SLC24A3: variants seen among roughly 807,000 people sequenced by gnomAD.
SLC24A3 encodes the protein sodium/potassium/calcium exchanger 3.
In SLC24A3, 28 loss-of-function variants were observed where a neutral mutation model predicts 75.8. The ratio of observed to expected loss-of-function variants is 0.37; its 90% confidence interval spans 0.27 to 0.51. The LOEUF is 0.51. SLC24A3 is among the 20% of genes least tolerant of loss of function. The pLI, the probability that SLC24A3 is intolerant of heterozygous loss-of-function variation, is 0.94. For synonymous variants in SLC24A3, 372 were observed against 334.1 expected (o/e 1.11, Z -1.24); for missense variants, 663 against 847.8 (o/e 0.78, Z 2.71).
intron 6 of SLC24A3, among the ~76,000 whole-genome samples, chr20:19,626,204 C>T (rs1218776600): frequency 6.6e-6 from 1 of 152,164 alleles, no homozygotes; most frequent in Non-Finnish European, 1.5e-5. Flanking sequence ...TATAGTAAGA[C>T]TTGACATGAT....
chr20:19,601,726 A>C (rs1441992224), intron 6 of SLC24A3, among the ~76,000 whole-genome samples: 1 of 152,202 alleles, frequency 6.6e-6, no homozygotes, highest in East Asian at 1.9e-4. Flanking sequence ...TACAAGTCTC[A>C]TCTCTCCAGT....
Position 19,278,040 on chromosome 20 carries a change from G to T in SLC24A3, c.143-2919G>T, listed in dbSNP as rs189827334. 1.3e-3 allele frequency among the ~76,000 whole-genome samples: 195 copies of T among 152,282 alleles called. 1 individual carries two copies. Among genetic ancestry groups the T allele is most frequent in the African/African-American group, 4.5e-3 (189 of 41,554 alleles). On this transcript the variant is annotated intron_variant, in intron 1 of 16. Transcript: ENST00000328041. ...CCGTGGTGCTCGACCGATATTACTT[G>T]GTTCTGACCTCTTCAATGCCAGCTG...
intron 2 of SLC24A3, among the ~76,000 whole-genome samples, chr20:19,320,526 G>A (rs536458695): frequency 4.3e-4 from 66 of 152,020 alleles, no homozygotes; most frequent in Non-Finnish European, 8.1e-4. Flanking sequence ...TCCTATGCAG[G>A]GGCTTTATCA....
chr20:19,685,253 G>C lies in SLC24A3; in HGVS notation c.1216G>C (p.Glu406Gln), dbSNP rs770306953. The C allele has an allele frequency of 1.9e-6, 3 of 1,614,160 alleles. No individual in the cohort carries two copies. Among genetic ancestry groups the C allele is most frequent in the Non-Finnish European group, 2.5e-6 (3 of 1,180,036 alleles). ...NGTRRDDVVA[E>Q]AGNETENENE... ...GACACGGAGGGACGATGTTGTGGCTGAGGCTGGCAACGAAACAGAGAATGA... is the reference window on the plus strand; with the variant it reads ...GACACGGAGGGACGATGTTGTGGCTCAGGCTGGCAACGAAACAGAGAATGA... Residue 406 changes from glutamate to glutamine, a missense_variant, in exon 12 of 17, where the codon GAG becomes CAG. Transcript: ENST00000328041.
At chr20:19,557,584 TG>T (rs2030809185) in intron 3 of SLC24A3, among the ~76,000 whole-genome samples, 1 of 152,234 alleles carries the variant, frequency 6.6e-6, no homozygotes, top group African/African-American at 2.4e-5. Context: ...CATGATTGCC[TG>T]GTGTTGTTTT....
chr20:19,674,927 C>T (rs928018061), intron 9 of SLC24A3, among the ~76,000 whole-genome samples: 1 of 152,152 alleles, frequency 6.6e-6, no homozygotes, highest in Non-Finnish European at 1.5e-5. Flanking sequence ...GTGGCGTGCG[C>T]CTGTAATCCC....
At chr20:19,288,818 G>C (rs1008825811) in intron 2 of SLC24A3, among the ~76,000 whole-genome samples, 4 of 152,208 alleles carry the variant, frequency 2.6e-5, no homozygotes, top group Admixed American at 2.6e-4. Flanking sequence ...GCCACAGGGG[G>C]CCTGTCGACT....
chr20:19,404,027 G>A lies in SLC24A3; in HGVS notation c.272-111461G>A, dbSNP rs200500894. On this transcript the variant is annotated intron_variant, in intron 2 of 16. Transcript: ENST00000328041. Reference sequence around the variant, plus strand: ...AGCTTTGGGACTTGATGAAGGTCACGTATCTTGATAAGAGCAAGGGGAAAT... The same window carrying A: ...AGCTTTGGGACTTGATGAAGGTCACATATCTTGATAAGAGCAAGGGGAAAT... Among the ~76,000 whole-genome samples the A allele has an allele frequency of 3.3e-5, 5 of 152,310 alleles. No homozygotes were observed. In the East Asian group the frequency reaches 7.7e-4, roughly 23 times the overall value.
intron 6 of SLC24A3, among the ~76,000 whole-genome samples, chr20:19,612,804 C>T (rs1421198578): frequency 2.0e-5 from 3 of 152,124 alleles, no homozygotes; most frequent in African/African-American, 7.2e-5. Context: ...GTGCTCTGTG[C>T]CCCACCAAGC....
chr20:19,592,256 G>C (rs1026071319), intron 6 of SLC24A3, among the ~76,000 whole-genome samples: 2 of 152,126 alleles, frequency 1.3e-5, no homozygotes, highest in Non-Finnish European at 2.9e-5. Flanking sequence ...CATCTTCTTT[G>C]GTGAAAAATC....
intron 2 of SLC24A3, among the ~76,000 whole-genome samples, chr20:19,398,105 A>G (rs1029987983): frequency 9.2e-5 from 14 of 152,050 alleles, no homozygotes; most frequent in Non-Finnish European, 1.5e-5. Flanking sequence ...TCTCTCTTCT[A>G]TTGGTAATCA....
chr20:19,434,237 C>T (rs117356283), intron 2 of SLC24A3, among the ~76,000 whole-genome samples: 3,473 of 152,314 alleles, frequency 0.023, 54 homozygotes, highest in Admixed American at 0.035. Context: ...ACCAAGGAAC[C>T]GCTGAACTGT....
At chr20:19,314,695 G>A (rs1428309655) in intron 2 of SLC24A3, among the ~76,000 whole-genome samples, 1 of 152,232 alleles carries the variant, frequency 6.6e-6, no homozygotes, top group East Asian at 1.9e-4. Flanking sequence ...TGCTGCGGAA[G>A]CTTCTCTGCC....
chr20:19,531,904 T>G (rs764876274), intron 3 of SLC24A3, among the ~76,000 whole-genome samples: 13 of 152,170 alleles, frequency 8.5e-5, no homozygotes, highest in African/African-American at 3.1e-4. Context: ...AGAGGTTAAA[T>G]GAGTTGCCCC....
At position 19,558,851 on chromosome 20, in the gene SLC24A3, A is replaced by G. The variant is rs6132213; in HGVS notation, c.349-21149A>G. On this transcript the variant is annotated intron_variant, in intron 3 of 16. Coordinates refer to ENST00000328041, the MANE Select transcript of SLC24A3 (RefSeq NM_020689.4). The stretch of plus-strand genomic sequence containing the variant: ...TTATTAACAAGAAGAACTCCATTGT[A>G]TGGAAGTACTAAAGTTCGTTCATCC... Among the ~76,000 whole-genome samples the G allele has an allele frequency of 4.0e-4, 61 of 152,328 alleles. 2 individuals are homozygous for G. The East Asian group carries it at 8.3e-3, about 21-fold the overall frequency.
At chr20:19,367,814 T>C (rs1985921400) in intron 2 of SLC24A3, among the ~76,000 whole-genome samples, 3 of 152,194 alleles carry the variant, frequency 2.0e-5, no homozygotes. Context: ...CACTTGGCAT[T>C]GGTGCATTGG....
At chr20:19,405,264 G>A (rs975028611) in intron 2 of SLC24A3, among the ~76,000 whole-genome samples, 5 of 152,126 alleles carry the variant, frequency 3.3e-5, no homozygotes, top group Non-Finnish European at 4.4e-5. Context: ...GTTAGTTGGC[G>A]TGACTGAAAC....
At chr20:19,268,567 C>A (rs1054105294) in intron 1 of SLC24A3, among the ~76,000 whole-genome samples, 1 of 152,192 alleles carries the variant, frequency 6.6e-6, no homozygotes, top group African/African-American at 2.4e-5. Flanking sequence ...TCAACTTCTC[C>A]AACAGCTTAA....
At chr20:19,362,504 C>A (rs1488370831) in intron 2 of SLC24A3, among the ~76,000 whole-genome samples, 1 of 152,222 alleles carries the variant, frequency 6.6e-6, no homozygotes, top group African/African-American at 2.4e-5. Context: ...GATTAAAGGG[C>A]CTGATCGGCC....
Sources: allele counts gnomAD v4.1 joint callset (sites outside exome capture counted in the v4.1 genomes callset), GRCh38; gene constraint gnomAD v4.1.1; transcripts MANE v1.5; gene names NCBI Gene and HGNC (gene_info 2026-07-23, HGNC 2026-07-21).